Variants in MED15 observed in about 807,000 individuals in gnomAD.
MED15 encodes the protein mediator complex subunit 15, also known as mediator of RNA polymerase II transcription subunit 15.
Under a neutral mutation model 118.7 loss-of-function variants are expected in MED15, and 41 were observed. The observed-to-expected ratio is 0.35, with a 90% CI of 0.27 to 0.45. The LOEUF is 0.45. MED15 is among the 20% of genes least tolerant of loss of function. The pLI, the probability that MED15 is intolerant of heterozygous loss-of-function variation, is 1.00. For synonymous variants in MED15, 436 were observed against 413.9 expected (o/e 1.05, Z -0.65); for missense variants, 740 against 1,025.5 (o/e 0.72, Z 3.80).
chr22:20,519,092 G>A (rs997223075), intron 1 of MED15: 25 of 332,628 alleles, frequency 7.5e-5, no homozygotes, highest in East Asian at 6.8e-4. Flanking sequence ...GGGCTCAAGC[G>A]ATCTGCTGCC....
intron 6 of MED15, among the ~76,000 whole-genome samples, chr22:20,565,089 C>T (rs149281155): frequency 5.9e-4 from 90 of 152,298 alleles, no homozygotes; most frequent in African/African-American, 2.1e-3. Context: ...CGCGCCGCTG[C>T]GCTCCAGCCT....
At position 20,583,072 on chromosome 22, in the gene MED15, G is replaced by A. The variant is rs370775539; in HGVS notation, c.1538-41G>A. 7.2e-5 allele frequency: 112 copies of A among 1,558,286 alleles called. No homozygotes were observed. In the Admixed American group the frequency reaches 7.5e-4, roughly 10 times the overall value. ...CCCTCAGAGCTCAAGTTCCCCACCC[G>A]AGGGTCGAGGGCTGTGGCCTCACCC... On this transcript the variant is annotated intron_variant, in intron 11 of 17. Transcript: ENST00000263205.
At position 20,574,997 on chromosome 22, in the gene MED15, A is replaced by G. The variant is rs1349861226; in HGVS notation, c.1153-116A>G. 6.3e-5 allele frequency: 95 copies of G among 1,509,638 alleles called. No individual in the cohort carries two copies. The East Asian group carries it at 2.1e-3, about 34-fold the overall frequency. 93.5% of individuals were successfully genotyped at this position (1,509,638 alleles called of 1,614,324 possible). On this transcript the variant is annotated intron_variant, in intron 8 of 17. Transcript: ENST00000263205. ...CTCCCAGGCTGCCCCGAGCTGCCCAAGCTTTCCTTGCCCTGGTGCTCCTTC... is the reference window on the plus strand; with the variant it reads ...CTCCCAGGCTGCCCCGAGCTGCCCAGGCTTTCCTTGCCCTGGTGCTCCTTC...
intron 1 of MED15, chr22:20,507,973 G>A (rs1479996049): frequency 2.1e-6 from 3 of 1,435,674 alleles, no homozygotes; most frequent in Non-Finnish European, 2.7e-6. Flanking sequence ...ACGAGCCCTG[G>A]CTTATGAATC....
At position 20,565,638 on chromosome 22, in the gene MED15, C is replaced by T. The variant is rs541844346; in HGVS notation, c.691-829C>T. ...AGCTGGGCTTCTCTGGATCTTGGCA[C>T]CCCTCTCCCAGAGCTGACAGTGCAT... On this transcript the variant is annotated intron_variant, in intron 6 of 17. Coordinates refer to ENST00000263205, the MANE Select transcript of MED15 (RefSeq NM_001003891.3). 7.2e-5 allele frequency among the ~76,000 whole-genome samples: 11 copies of T among 152,318 alleles called. No individual in the cohort carries two copies. The South Asian group carries it at 2.3e-3, about 32-fold the overall frequency.
At chr22:20,507,858 G>A (rs981801535) in intron 1 of MED15, 112 bp downstream of exon 1, 1 of 1,531,426 alleles carries the variant, frequency 6.5e-7, no homozygotes, top group Admixed American at 2.1e-5. Flanking sequence ...GACAGAAGGC[G>A]CCGGGGACTT....
chr22:20,566,445 G>T, intron 6 of MED15, 22 bp from the exon 7 acceptor site: 1 of 1,609,164 alleles, frequency 6.2e-7, no homozygotes, highest in Non-Finnish European at 8.5e-7. Flanking sequence ...TGATAACCGA[G>T]TGCTGCTTGT....
intron 1 of MED15, among the ~76,000 whole-genome samples, chr22:20,516,877 A>G (rs1329828274): frequency 6.6e-6 from 1 of 152,116 alleles, no homozygotes; most frequent in Non-Finnish European, 1.5e-5. Context: ...CCATATACGC[A>G]CCACTCTGCT....
intron 8 of MED15, among the ~76,000 whole-genome samples, chr22:20,571,419 C>G (rs2056657787): frequency 6.6e-6 from 1 of 152,270 alleles, no homozygotes; most frequent in African/African-American, 2.4e-5. Context: ...CCCACCTGCC[C>G]TGTGGCACCA....
intron 9 of MED15, among the ~76,000 whole-genome samples, chr22:20,581,659 G>A (rs73159140): frequency 0.11 from 16,448 of 152,180 alleles, 1,244 homozygotes; most frequent in Non-Finnish European, 0.15. Flanking sequence ...AGACGCCCAG[G>A]GCTGGCAGGC....
At chr22:20,529,470 G>A (rs926171812) in intron 1 of MED15, among the ~76,000 whole-genome samples, 2 of 152,096 alleles carry the variant, frequency 1.3e-5, no homozygotes, top group Admixed American at 1.3e-4. Flanking sequence ...TGTCACCCAG[G>A]CTGGAGTGCA....
chr22:20,551,046 G>C (rs756009507), intron 2 of MED15: 1 of 468,930 alleles, frequency 2.1e-6, no homozygotes, highest in East Asian at 6.3e-5. Context: ...AAGACACAGC[G>C]GCCCACCCAC....
intron 2 of MED15, among the ~76,000 whole-genome samples, chr22:20,547,701 T>C (rs951288545): frequency 6.6e-6 from 1 of 152,124 alleles, no homozygotes; most frequent in African/African-American, 2.4e-5. Flanking sequence ...GCGCCTGTAG[T>C]GCCAGCTACT....
At chr22:20,520,505 G>A (rs1261770967) in intron 1 of MED15, among the ~76,000 whole-genome samples, 1 of 152,230 alleles carries the variant, frequency 6.6e-6, no homozygotes, top group East Asian at 1.9e-4. Flanking sequence ...GCCAACCAAA[G>A]AACAGGGCAG....
At chr22:20,579,560 G>A (rs1395704739) in intron 9 of MED15, among the ~76,000 whole-genome samples, 4 of 152,060 alleles carry the variant, frequency 2.6e-5, no homozygotes, top group Admixed American at 2.0e-4. Context: ...GCGCAGTGCC[G>A]CCAGCCTTGC....
At chr22:20,563,734 C>G (rs920223018) in intron 5 of MED15, among the ~76,000 whole-genome samples, 6 of 152,228 alleles carry the variant, frequency 3.9e-5, no homozygotes, top group African/African-American at 1.4e-4. Flanking sequence ...CAAAGGATCT[C>G]TCTATATTTC....
intron 1 of MED15, chr22:20,524,447 A>G (rs539770399): frequency 1.5e-5 from 2 of 135,126 alleles, no homozygotes; most frequent in Non-Finnish European, 3.2e-5. Flanking sequence ...GTGGTGAGGC[A>G]TTTGAGCTGC....
At chr22:20,565,056 C>T (rs954764781) in intron 6 of MED15, among the ~76,000 whole-genome samples, 3 of 152,254 alleles carry the variant, frequency 2.0e-5, no homozygotes, top group South Asian at 2.1e-4. Context: ...ACCTGGGAGG[C>T]GGAGGTTGCA....
At chr22:20,564,272 C>T (rs1023565388) in intron 5 of MED15, among the ~76,000 whole-genome samples, 178 bp from the exon 6 acceptor site, 1 of 152,180 alleles carries the variant, frequency 6.6e-6, no homozygotes, top group African/African-American at 2.4e-5. Flanking sequence ...ATCCCAAAAT[C>T]AACACAAATG....
Sources: gnomAD v4.1 joint callset for allele counts (sites outside exome capture counted in the v4.1 genomes callset) on GRCh38, gnomAD v4.1.1 for gene constraint, MANE v1.5 for transcripts, NCBI Gene and HGNC (gene_info 2026-07-23, HGNC 2026-07-21) for gene names.